Variants in LBR observed in about 807,000 individuals in gnomAD.
The protein encoded by LBR is lamin B receptor.
A neutral mutation model predicts 74.3 loss-of-function variants in LBR; 28 were observed. That is an observed-to-expected ratio of 0.38 (90% confidence interval 0.28 to 0.52). The LOEUF is 0.52. Among genes scored for constraint, LBR ranks in the 20% least tolerant of loss-of-function variants. The probability of loss-of-function intolerance (pLI) is 0.89; values close to 1 mark genes in which losing one functional copy is unlikely to be tolerated. For missense variants in LBR, 717 were observed against 760.3 expected (o/e 0.94, Z 0.67); for synonymous variants, 228 against 269.3 (o/e 0.85, Z 1.50).
At chr1:225,408,885 A>C (rs893949141) in intron 10 of LBR, among the ~76,000 whole-genome samples, 11 of 152,264 alleles carry the variant, frequency 7.2e-5, no homozygotes, top group Non-Finnish European at 1.3e-4. Context: ...AGTGACAACC[A>C]CAACATGGCA....
chr1:225,421,272 T>A (rs552677305), intron 3 of LBR, among the ~76,000 whole-genome samples: 7 of 152,356 alleles, frequency 4.6e-5, no homozygotes, highest in African/African-American at 7.2e-5. Context: ...GGCGGGTGGA[T>A]CACGAGGTCA....
In LBR at chr1:225,410,500, CT is replaced by C. The variant is rs746565416; in HGVS notation, c.1189-85del. ...ACAAAGGCATGAGTGAGCTTCACAG[CT>C]GAGACACCTGGCAGACGCCACCGTA... On this transcript the variant is annotated intron_variant, in intron 9 of 13. Transcript: ENST00000272163. The C allele has an allele frequency of 6.6e-4, 962 of 1,448,686 alleles. 3 individuals are homozygous for C. Among genetic ancestry groups the C allele is most frequent in the Non-Finnish European group, 9.0e-4 (930 of 1,038,460 alleles). The allele number at this position is 1,448,686 out of a possible 1,614,324, so 89.7% of individuals were successfully genotyped here.
chr1:225,405,751 T>C (rs1024874616), intron 11 of LBR, among the ~76,000 whole-genome samples: 1 of 152,204 alleles, frequency 6.6e-6, no homozygotes, highest in Non-Finnish European at 1.5e-5. Context: ...AACTAAGACA[T>C]TCCCCATTTT....
At chr1:225,428,558 G>A (rs1344800645), upstream of LBR, 2 of 152,204 alleles carry the variant, frequency 1.3e-5, no homozygotes, top group East Asian at 1.9e-4. Flanking sequence ...TCCCACAGAA[G>A]CCCCTGGACC....
chr1:225,402,175 C>T lies in LBR; in HGVS notation c.*1128G>A, dbSNP rs536222809. 2.2e-4 allele frequency: 33 copies of T among 152,284 alleles called. No individual in the cohort carries two copies. Among genetic ancestry groups the T allele is most frequent in the Non-Finnish European group, 3.5e-4 (24 of 68,006 alleles). The allele number at this position is 152,284 out of a possible 1,614,324, so 9.4% of individuals were successfully genotyped here. ...CCCTTCAGTTGTTTTTAAGACAGCA[C>T]TCCTTTACAGGGAGTCAGGTTTGGT... On this transcript the variant is annotated 3_prime_UTR_variant, in exon 14 of 14. Transcript: ENST00000272163.
At chr1:225,414,239 A>C (rs1179138549) in intron 7 of LBR, 1 of 430,586 alleles carries the variant, frequency 2.3e-6, no homozygotes, top group Non-Finnish European at 4.7e-6. Flanking sequence ...TAAAAGGCAG[A>C]AGGTGTCTAA....
intron 8 of LBR, among the ~76,000 whole-genome samples, chr1:225,411,886 T>G (rs2096106545): frequency 6.6e-6 from 1 of 152,262 alleles, no homozygotes; most frequent in East Asian, 1.9e-4. Context: ...CTCGGCTCAC[T>G]GCAACCTCCG....
intron 7 of LBR, among the ~76,000 whole-genome samples, chr1:225,414,423 G>A (rs1231523254): frequency 6.6e-6 from 1 of 152,204 alleles, no homozygotes; most frequent in African/African-American, 2.4e-5. Context: ...ACTCTACTCC[G>A]TCTTGTCAAA....
intron 11 of LBR, among the ~76,000 whole-genome samples, chr1:225,405,323 A>C (rs1213892754): frequency 1.3e-5 from 2 of 152,244 alleles, no homozygotes; most frequent in Non-Finnish European, 2.9e-5. Flanking sequence ...TCAATAAACT[A>C]GTAAGAGAAT....
intron 13 of LBR, among the ~76,000 whole-genome samples, chr1:225,403,791 C>T (rs61222848): frequency 0.13 from 19,301 of 152,062 alleles, 2,780 homozygotes; most frequent in African/African-American, 0.36. Flanking sequence ...CCACCACAGG[C>T]TGGGCCACCA....
intron 8 of LBR, among the ~76,000 whole-genome samples, chr1:225,411,701 C>G (rs1022936536): frequency 6.6e-6 from 1 of 151,890 alleles, no homozygotes; most frequent in African/African-American, 2.4e-5. Flanking sequence ...ATCATGGGGG[C>G]CCCCCCAAAG....
In LBR at chr1:225,419,316, G is replaced by A. The variant is rs2096123188; in HGVS notation, c.587C>T (p.Thr196Ile). The A allele has an allele frequency of 6.2e-7, 1 of 1,614,210 alleles. No homozygotes were observed. The highest frequency in any genetic ancestry group is 1.1e-5 in the South Asian group (1 of 91,088). Residue 196 changes from threonine (T) to isoleucine (I), a missense_variant, in exon 5 of 14, where the codon ACC (threonine) becomes ATC (isoleucine). Coordinates refer to ENST00000272163, the MANE Select transcript of LBR (RefSeq NM_002296.4). ...TGCCCGGATGGGGGTCACTTCAAAG[G>A]TTCTCACTGCCAGTTCTTTTGCAAC... The part of the protein sequence containing the change: ...KYVAKELAVR[T>I]FEVTPIRAKD...
At chr1:225,425,074 G>C (rs547962776) in intron 1 of LBR, among the ~76,000 whole-genome samples, 2 of 152,300 alleles carry the variant, frequency 1.3e-5, no homozygotes, top group East Asian at 3.9e-4. Context: ...AGCACTTCTT[G>C]ATGTATTGTC....
intron 10 of LBR, among the ~76,000 whole-genome samples, 157 bp downstream of exon 10, chr1:225,410,134 C>T (rs566505824): frequency 5.3e-5 from 8 of 152,314 alleles, no homozygotes; most frequent in African/African-American, 1.9e-4. Context: ...AGTGCTCCCT[C>T]GTCAGCTTCA....
chr1:225,414,436 G>GA (rs1247205468), intron 7 of LBR, among the ~76,000 whole-genome samples: 4 of 152,200 alleles, frequency 2.6e-5, no homozygotes, highest in Non-Finnish European at 4.4e-5. Flanking sequence ...TTGTCAAATG[G>GA]AAAATCATTC....
At chr1:225,419,117 C>G (rs901724272) in intron 5 of LBR, 146 bp downstream of exon 5, 1 of 761,294 alleles carries the variant, frequency 1.3e-6, no homozygotes. Context: ...ACTGTTCCTT[C>G]TCTGGAAGGC....
At chr1:225,410,237 C>T in intron 10 of LBR, 54 bp downstream of exon 10, 4 of 1,610,690 alleles carry the variant, frequency 2.5e-6, no homozygotes, top group Non-Finnish European at 3.4e-6. Flanking sequence ...TGACAGGTCA[C>T]TCACCCACTC....
chr1:225,408,190 C>T (rs1558650794), intron 10 of LBR, among the ~76,000 whole-genome samples: 1 of 152,172 alleles, frequency 6.6e-6, no homozygotes, highest in Non-Finnish European at 1.5e-5. Context: ...TCCTTCCCTT[C>T]CCCCTACCCT....
chr1:225,412,524 C>G lies in LBR; in HGVS notation c.1014G>C (p.Val338=). 6.2e-7 allele frequency: 1 copy of G among 1,614,018 alleles called. No individual in the cohort carries two copies. ...QFALAATVFC[V]VLSVYLYMRS... is the part of the protein sequence containing the mutation. ...GCATGTAGAGATACACACTCAAGAC[C>G]ACACAAAAAACAGTGGCCGCAAGTG... Residue 338 remains valine (V), a synonymous_variant, in exon 8 of 14, where the codon GTG becomes GTC. Coordinates refer to ENST00000272163, the MANE Select transcript of LBR (RefSeq NM_002296.4).
Sources: gnomAD v4.1 joint callset for allele counts (sites outside exome capture counted in the v4.1 genomes callset) on GRCh38, gnomAD v4.1.1 for gene constraint, MANE v1.5 for transcripts, NCBI Gene and HGNC (gene_info 2026-07-23, HGNC 2026-07-21) for gene names.